EIF2AK1: variants seen among roughly 807,000 people sequenced by gnomAD.
EIF2AK1 encodes eukaryotic translation initiation factor 2-alpha kinase 1.
EIF2AK1 carries 54 observed loss-of-function variants against 77.9 expected under a neutral mutation model. That is an observed-to-expected ratio of 0.69 (90% CI 0.56 to 0.87). EIF2AK1 has a LOEUF of 0.87. Ranked by LOEUF, EIF2AK1 falls within the 40% of genes least tolerant of loss-of-function variation. The pLI, the probability that EIF2AK1 is intolerant of heterozygous loss-of-function variation, is 0.00. For missense variants in EIF2AK1, 810 were observed against 768.6 expected (o/e 1.05, Z -0.64); for synonymous variants, 314 against 290.5 (o/e 1.08, Z -0.82).
intron 5 of EIF2AK1, 99 bp downstream of exon 5, chr7:6,046,893 C>G: frequency 1.8e-6 from 2 of 1,135,380 alleles, no homozygotes; most frequent in Non-Finnish European, 2.4e-6. Context: ...GAGCGAGACT[C>G]CATCTCAAAA....
chr7:6,058,434 T>G (rs911104324), intron 1 of EIF2AK1, among the ~76,000 whole-genome samples: 6 of 151,992 alleles, frequency 3.9e-5, no homozygotes, highest in Non-Finnish European at 5.9e-5. Context: ...ACTTGGGCCT[T>G]TTTATTAAAC....
chr7:6,042,990 T>C lies in EIF2AK1; in HGVS notation c.734A>G (p.Asp245Gly). ...EHVHVIQPRA[D>G]RAAIELPSLE... ...AGATGGCAACTCAATGGCAGCTCTG[T>C]CTGCTGAATGAAAACAAACAACAAT... The change falls in exon 8 of 15, where the codon GAC (aspartate) becomes GGC (glycine). Residue 245 changes from aspartate (D) to glycine (G), a missense_variant. By Grantham distance (94) the Asp-to-Gly change is moderately conservative (BLOSUM62 -1). Transcript: ENST00000199389. 1.2e-6 allele frequency: 2 copies of C among 1,614,120 alleles called. No individual in the cohort carries two copies. The highest frequency in any genetic ancestry group is 8.5e-7 in the Non-Finnish European group (1 of 1,179,982).
At chr7:6,026,022 C>T (rs1261790701) in intron 14 of EIF2AK1, among the ~76,000 whole-genome samples, 1 of 152,048 alleles carries the variant, frequency 6.6e-6, no homozygotes, top group Admixed American at 6.5e-5. Context: ...GAGACCATGT[C>T]CAGGGCAGCA....
chr7:6,043,104 A>C, intron 7 of EIF2AK1, 111 bp from the exon 8 acceptor site: 3 of 1,092,082 alleles, frequency 2.7e-6, no homozygotes, highest in South Asian at 1.4e-5. Context: ...AAGTCTAAAA[A>C]TGTCATGACC....
chr7:6,051,794 A>G (rs1279930127), intron 2 of EIF2AK1, among the ~76,000 whole-genome samples: 2 of 152,154 alleles, frequency 1.3e-5, no homozygotes, highest in Non-Finnish European at 2.9e-5. Context: ...AAAAAAAAAG[A>G]AAAAAGAAAT....
intron 11 of EIF2AK1, chr7:6,031,507 C>A (rs770357764): frequency 1.9e-6 from 3 of 1,550,672 alleles, no homozygotes; most frequent in Non-Finnish European, 2.6e-6. Flanking sequence ...GCACTACGAT[C>A]GAGGTACTCC....
At position 6,033,688 on chromosome 7, in the gene EIF2AK1, G is replaced by C. The variant is rs370586229; in HGVS notation, c.1332+3736C>G. ...GGGTTCACGCCATTCTCCTGCCTCA[G>C]CCTCCCAAGTAGCTGGGACTACAGG... On this transcript the variant is annotated intron_variant, in intron 11 of 14. Coordinates refer to ENST00000199389, the MANE Select transcript of EIF2AK1 (RefSeq NM_014413.4). This position sits in a 1 kb window ranked among gnomAD's most constrained non-coding sequence, Gnocchi z 4.4. Among the ~76,000 whole-genome samples, 39 of 151,576 alleles carry C rather than the reference G, an allele frequency of 2.6e-4. No individual in the cohort carries two copies. The highest frequency in any genetic ancestry group is 9.2e-4 in the African/African-American group (38 of 41,484).
chr7:6,053,287 C>G (rs902118076), intron 2 of EIF2AK1, among the ~76,000 whole-genome samples: 2 of 152,084 alleles, frequency 1.3e-5, no homozygotes, highest in Non-Finnish European at 2.9e-5. Context: ...ATAATCACAT[C>G]AGGATAAATG....
chr7:6,039,109 T>A (rs978057904), intron 9 of EIF2AK1, among the ~76,000 whole-genome samples: 1 of 152,210 alleles, frequency 6.6e-6, no homozygotes, highest in Non-Finnish European at 1.5e-5. Flanking sequence ...ATATATACTT[T>A]GTCTGGCTTC....
rs1554324726 is a variant in EIF2AK1 at position 6,056,628 on chromosome 7, A to ATATATATG, written c.119-1925_119-1924insCATATATA. On this transcript the variant is annotated intron_variant, in intron 1 of 14. Coordinates refer to ENST00000199389, the MANE Select transcript of EIF2AK1 (RefSeq NM_014413.4). ...AAAAAAAAAAAATATATATATATATATATATATAAACTCTGTCTGGACATT... is the reference window on the plus strand; with the variant it reads ...AAAAAAAAAAAATATATATATATATATATATATGTATATATAAACTCTGTCTGGACATT... Among the ~76,000 whole-genome samples, 488 of 75,814 alleles carry ATATATATG rather than the reference A, an allele frequency of 6.4e-3. 31 individuals are homozygous for ATATATATG. Among genetic ancestry groups the ATATATATG allele is most frequent in the Non-Finnish European group, 9.2e-3 (360 of 39,036 alleles). 49.7% of individuals were successfully genotyped at this position (75,814 alleles called of 152,430 possible).
chr7:6,047,135 T>A, intron 4 of EIF2AK1, 44 bp from the exon 5 acceptor site: 15 of 1,503,662 alleles, frequency 1.0e-5, no homozygotes, highest in Non-Finnish European at 1.4e-5. Flanking sequence ...CATGAGAGAA[T>A]CAAAATGTTC....
rs764902153 is a variant in EIF2AK1, at chr7:6,044,615, A to G, written c.677T>C (p.Ile226Thr). 1.2e-6 allele frequency: 2 copies of G among 1,613,950 alleles called. No individual in the cohort carries two copies. Among genetic ancestry groups the G allele is most frequent in the African/African-American group, 1.3e-5 (1 of 74,924 alleles). ...KVLAGLQHPN[I>T]VGYHTAWIEH... is the part of the protein sequence containing the mutation. Reference sequence around the variant, plus strand: ...TATCCACGCGGTGTGATAGCCAACAATATTGGGGTGCTGAAGACCTGCCAG... The same window carrying G: ...TATCCACGCGGTGTGATAGCCAACAGTATTGGGGTGCTGAAGACCTGCCAG... Residue 226 changes from isoleucine to threonine, a missense_variant, in exon 7 of 15, where the codon ATT (isoleucine) becomes ACT (threonine). Physicochemically the swap from Ile to Thr is moderately conservative, Grantham distance 89. Transcript: ENST00000199389.
chr7:6,023,997 A>T lies in EIF2AK1; in HGVS notation c.*676T>A. 1 of 1,347,976 alleles carries T rather than the reference A, an allele frequency of 7.4e-7. No individual in the cohort carries two copies. The highest frequency in any genetic ancestry group is 1.2e-5 in the South Asian group (1 of 81,526). 83.5% of individuals were successfully genotyped at this position (1,347,976 alleles called of 1,614,324 possible). A position where few individuals can be genotyped will look rare whatever the true frequency, so the allele number is the denominator to read the frequency against. ...GGGGAGCTGAGTGCTACAATAAAGG[A>T]GGAAGTACCGGGGAACAGTGCAGGG... On this transcript the variant is annotated 3_prime_UTR_variant, in exon 15 of 15. Transcript: ENST00000199389.
intron 14 of EIF2AK1, 142 bp downstream of exon 14, chr7:6,026,586 G>C (rs760750638): frequency 1.3e-6 from 1 of 743,912 alleles, no homozygotes; most frequent in East Asian, 2.7e-5. Context: ...AAGTGGACGA[G>C]AACAAACAGG....
In EIF2AK1 at chr7:6,035,831, G is replaced by A. The variant is rs577104833; in HGVS notation, c.1332+1593C>T. 5.9e-5 allele frequency: 91 copies of A among 1,549,166 alleles called. No homozygotes were observed. The African/African-American group carries it at 9.9e-4, about 17-fold the overall frequency. ...ACGTCAACTGTGCTGTCTCTTCCAC[G>A]GGGAACACGCCCCTGAAGCTTGCAG... is the stretch of plus-strand genomic sequence containing the variant. On this transcript the variant is annotated intron_variant, in intron 11 of 14. Coordinates refer to ENST00000199389, the MANE Select transcript of EIF2AK1 (RefSeq NM_014413.4). This position sits in a 1 kb window ranked among gnomAD's most constrained non-coding sequence, Gnocchi z 5.5.
Position 6,035,442 on chromosome 7 carries a change from A to G in EIF2AK1, c.1332+1982T>C, listed in dbSNP as rs1192504837. Reference sequence around the variant, plus strand: ...GTAACGTGTAATCAATACCCATTCTAGGGACACGACAGGCCTCACCACACT... The same window carrying G: ...GTAACGTGTAATCAATACCCATTCTGGGGACACGACAGGCCTCACCACACT... On this transcript the variant is annotated intron_variant, in intron 11 of 14. Coordinates refer to ENST00000199389, the MANE Select transcript of EIF2AK1 (RefSeq NM_014413.4). This position sits in a 1 kb window ranked among gnomAD's most constrained non-coding sequence, Gnocchi z 5.5. 1.9e-6 allele frequency: 3 copies of G among 1,548,370 alleles called. No homozygotes were observed. The highest frequency in any genetic ancestry group is 2.6e-6 in the Non-Finnish European group (3 of 1,145,274).
At chr7:6,055,415 G>A (rs1437637206) in intron 1 of EIF2AK1, among the ~76,000 whole-genome samples, 1 of 149,614 alleles carries the variant, frequency 6.7e-6, no homozygotes, top group Non-Finnish European at 1.5e-5. Context: ...AACTTTTCTC[G>A]ATGAGCGTGT....
intron 2 of EIF2AK1, 76 bp downstream of exon 2, chr7:6,054,470 C>T (rs1008646834): frequency 6.5e-7 from 1 of 1,541,562 alleles, no homozygotes; most frequent in African/African-American, 1.4e-5. Flanking sequence ...TCCCAAAGTG[C>T]TGGGATTACA....
In EIF2AK1 at chr7:6,027,218, C is replaced by T. The variant is rs1192978561; in HGVS notation, c.1531-257G>A. 6.6e-6 allele frequency among the ~76,000 whole-genome samples: 1 copy of T among 152,146 alleles called. No individual in the cohort carries two copies. The highest frequency in any genetic ancestry group is 1.5e-5 in the Non-Finnish European group (1 of 68,022). On this transcript the variant is annotated intron_variant, in intron 13 of 14. Coordinates refer to ENST00000199389, the MANE Select transcript of EIF2AK1 (RefSeq NM_014413.4). The surrounding 1 kb of genome is among the most constrained non-coding windows in gnomAD (Gnocchi z 4.5). Reference sequence around the variant, plus strand: ...AATCCCCACCCACAGCAGTCACGACCATACAACTGTCTTCAGCACCCCTTA... The same window carrying T: ...AATCCCCACCCACAGCAGTCACGACTATACAACTGTCTTCAGCACCCCTTA...
Sources: gnomAD v4.1 joint callset for allele counts (sites outside exome capture counted in the v4.1 genomes callset) on GRCh38, gnomAD v4.1.1 for gene constraint, Gnocchi (gnomAD v3.1) non-coding constraint, MANE v1.5 for transcripts, NCBI Gene and HGNC (gene_info 2026-07-23, HGNC 2026-07-21) for gene names.